The following ITGBL1 variants were observed in gnomAD, a reference collection of about 807,000 sequenced individuals.
ITGBL1 encodes the protein integrin subunit beta like 1.
ITGBL1 carries 51 observed loss-of-function variants against 68.5 expected under a neutral mutation model. The ratio of observed to expected loss-of-function variants is 0.74; its 90% CI spans 0.59 to 0.94. ITGBL1 has a LOEUF of 0.94. ITGBL1 is among the 40% of genes least tolerant of loss of function. The pLI is 0.00. For synonymous variants in ITGBL1, 209 were observed against 227.3 expected, an observed-to-expected ratio of 0.92 and a Z score of 0.72; for missense variants, 649 against 647.4, an observed-to-expected ratio of 1.00 and a Z score of -0.03.
chr13:101,650,866 T>C (rs919583879), intron 7 of ITGBL1, among the ~76,000 whole-genome samples: 2 of 152,176 alleles, frequency 1.3e-5, no homozygotes, highest in Non-Finnish European at 2.9e-5. Context: ...GTGTTCTCAT[T>C]GTTAAGCTCC....
At chr13:101,515,098 C>T (rs1594858690) in intron 2 of ITGBL1, among the ~76,000 whole-genome samples, 1 of 152,164 alleles carries the variant, frequency 6.6e-6, no homozygotes, top group East Asian at 1.9e-4. Flanking sequence ...TCAACACTTT[C>T]ATTAAAATAA....
chr13:101,606,498 A>G (rs1032677015), intron 7 of ITGBL1, among the ~76,000 whole-genome samples: 1 of 151,858 alleles, frequency 6.6e-6, no homozygotes, highest in Non-Finnish European at 1.5e-5. Context: ...GTGCTCAAAA[A>G]CTATAATGGC....
chr13:101,519,991 G>C (rs2049258527), intron 2 of ITGBL1, among the ~76,000 whole-genome samples: 1 of 152,074 alleles, frequency 6.6e-6, no homozygotes, highest in Non-Finnish European at 1.5e-5. Context: ...TATTAGTATG[G>C]GGTAACTGCT....
At chr13:101,651,847 A>G (rs2032762311) in intron 7 of ITGBL1, among the ~76,000 whole-genome samples, 1 of 152,108 alleles carries the variant, frequency 6.6e-6, no homozygotes, top group South Asian at 2.1e-4. Context: ...TAATTTTTAT[A>G]TAAGATGTAA....
At chr13:101,674,454 G>T (rs914190181) in intron 7 of ITGBL1, among the ~76,000 whole-genome samples, 3 of 152,090 alleles carry the variant, frequency 2.0e-5, no homozygotes, top group African/African-American at 7.2e-5. Context: ...TGTTATTTAA[G>T]ATGAAACCTT....
intron 6 of ITGBL1, among the ~76,000 whole-genome samples, chr13:101,594,762 A>T: frequency 6.6e-6 from 1 of 152,136 alleles, no homozygotes; most frequent in Non-Finnish European, 1.5e-5. Flanking sequence ...GAGGCTGGGT[A>T]ATTTATAAAG....
intron 7 of ITGBL1, among the ~76,000 whole-genome samples, chr13:101,610,861 G>A (rs1375689987): frequency 6.6e-6 from 1 of 152,156 alleles, no homozygotes; most frequent in Non-Finnish European, 1.5e-5. Flanking sequence ...CTCAATTTGT[G>A]TGCAAATATG....
At chr13:101,676,144 T>G (rs1424948916) in intron 7 of ITGBL1, among the ~76,000 whole-genome samples, 2 of 152,158 alleles carry the variant, frequency 1.3e-5, no homozygotes, top group Non-Finnish European at 2.9e-5. Context: ...TATTGTCTGT[T>G]TTTTTCTCTT....
chr13:101,470,589 A>C lies in ITGBL1; in HGVS notation c.316+16489A>C, dbSNP rs1043284857. Among the ~76,000 whole-genome samples the C allele has an allele frequency of 2.6e-4, 39 of 152,332 alleles. 1 individual carries two copies. In the South Asian group the frequency reaches 4.8e-3, roughly 19 times the overall value. On this transcript the variant is annotated intron_variant, in intron 2 of 10. Transcript: ENST00000376180. Reference sequence around the variant, plus strand: ...TCTGGGTGTATAGTTATCAAAAACCATAATAGTCTCTGCTGCCCTTTATAT... The same window carrying C: ...TCTGGGTGTATAGTTATCAAAAACCCTAATAGTCTCTGCTGCCCTTTATAT...
At chr13:101,460,620 G>T (rs556413176) in intron 2 of ITGBL1, among the ~76,000 whole-genome samples, 1 of 152,206 alleles carries the variant, frequency 6.6e-6, no homozygotes, top group African/African-American at 2.4e-5. Context: ...TTGTGTTGCT[G>T]TAAAAGAATA....
chr13:101,714,895 G>T (rs928880736), intron 10 of ITGBL1: 2 of 241,942 alleles, frequency 8.3e-6, no homozygotes, highest in Non-Finnish European at 1.6e-5. Context: ...TATAGGGAAT[G>T]AAATATTCTT....
At chr13:101,529,156 A>G (rs900761630) in intron 2 of ITGBL1, among the ~76,000 whole-genome samples, 5 of 151,976 alleles carry the variant, frequency 3.3e-5, no homozygotes, top group African/African-American at 1.2e-4. Context: ...GAAAGTAGAA[A>G]AAAATTGAGA....
intron 9 of ITGBL1, among the ~76,000 whole-genome samples, chr13:101,708,453 A>G (rs2034311995): frequency 6.6e-6 from 1 of 152,160 alleles, no homozygotes; most frequent in Non-Finnish European, 1.5e-5. Flanking sequence ...CCAGGTAAAT[A>G]ATTTTCTGAA....
At chr13:101,519,507 TCCTGCCTGTCTG>T (rs1169484673) in intron 2 of ITGBL1, among the ~76,000 whole-genome samples, 1 of 152,080 alleles carries the variant, frequency 6.6e-6, no homozygotes, top group Non-Finnish European at 1.5e-5. Context: ...ACTCCTTCCT[TCCTGCCTGTCTG>T]CCTGCCTGCC....
At chr13:101,470,205 C>A (rs1471061635) in intron 2 of ITGBL1, among the ~76,000 whole-genome samples, 1 of 152,170 alleles carries the variant, frequency 6.6e-6, no homozygotes, top group Non-Finnish European at 1.5e-5. Context: ...CCTTAGCTAA[C>A]CTTGGAAGCT....
intron 2 of ITGBL1, among the ~76,000 whole-genome samples, chr13:101,499,936 C>A (rs2048914606): frequency 6.6e-6 from 1 of 152,188 alleles, no homozygotes; most frequent in African/African-American, 2.4e-5. Context: ...ACCTCCTGGA[C>A]CTCAGTGTGG....
At chr13:101,481,059 TACAC>T (rs1161675605) in intron 2 of ITGBL1, among the ~76,000 whole-genome samples, 2 of 80,154 alleles carry the variant, frequency 2.5e-5, no homozygotes, top group East Asian at 9.4e-4. Flanking sequence ...TGTAACTATA[TACAC>T]ACACATACAT....
intron 2 of ITGBL1, among the ~76,000 whole-genome samples, chr13:101,474,333 CT>C (rs1450765838): frequency 6.6e-6 from 1 of 152,054 alleles, no homozygotes. Flanking sequence ...CTCTTTCTGA[CT>C]GAGGAAAGGA....
intron 7 of ITGBL1, among the ~76,000 whole-genome samples, chr13:101,676,905 C>G (rs1460709994): frequency 6.6e-6 from 1 of 152,128 alleles, no homozygotes; most frequent in Non-Finnish European, 1.5e-5. Flanking sequence ...CTTTGGGATG[C>G]TGAGGTGGGT....
Sources: allele counts gnomAD v4.1 joint callset (sites outside exome capture counted in the v4.1 genomes callset), GRCh38; gene constraint gnomAD v4.1.1; transcripts MANE v1.5; gene names NCBI Gene and HGNC (gene_info 2026-07-23, HGNC 2026-07-21).